Variants in DEAF1 observed in about 807,000 individuals in gnomAD.
DEAF1 encodes the protein deformed epidermal autoregulatory factor 1 homolog.
Under a neutral mutation model 58.9 loss-of-function variants are expected in DEAF1, and 53 were observed. The ratio of observed to expected loss-of-function variants is 0.90; its 90% CI spans 0.72 to 1.13. DEAF1 has a LOEUF of 1.13. DEAF1 is among the 50% of genes most tolerant of loss of function. The pLI is 0.00. For missense variants in DEAF1, 685 were observed against 791.4 expected (o/e 0.87, Z 1.61); for synonymous variants, 385 against 340.4 (o/e 1.13, Z -1.44).
chr11:682,563 CCTCT>C lies in DEAF1; in HGVS notation c.871-1478_871-1475del, dbSNP rs148661968. Among the ~76,000 whole-genome samples, 6 of 152,310 alleles carry C rather than the reference CCTCT, an allele frequency of 3.9e-5. No homozygotes were observed. The East Asian group carries it at 7.7e-4, about 20-fold the overall frequency. On this transcript the variant is annotated intron_variant, in intron 6 of 11. Coordinates refer to ENST00000382409, the MANE Select transcript of DEAF1 (RefSeq NM_021008.4). ...GCTTTGGAGCTCTCTGTTCTTACGG[CCTCT>C]CTCTCTTTTGGGCTGAATGTCTGAG... is the stretch of plus-strand genomic sequence containing the variant.
intron 11 of DEAF1, among the ~76,000 whole-genome samples, chr11:648,402 A>G (rs1426761502): frequency 1.3e-5 from 2 of 151,926 alleles, no homozygotes; most frequent in Non-Finnish European, 2.9e-5. Flanking sequence ...TCACCATGTT[A>G]GCCAGGATGG....
At chr11:660,135 A>C (rs148069366) in intron 10 of DEAF1, among the ~76,000 whole-genome samples, 43 of 152,366 alleles carry the variant, frequency 2.8e-4, no homozygotes, top group African/African-American at 1.0e-3. Flanking sequence ...AATGCAAATT[A>C]GACTGGATTA....
chr11:650,549 C>T (rs543082881), intron 11 of DEAF1, among the ~76,000 whole-genome samples: 1 of 152,286 alleles, frequency 6.6e-6, no homozygotes, highest in East Asian at 1.9e-4. Context: ...AACAGGGTCT[C>T]GCTTTGTTGG....
At chr11:653,921 G>A (rs1320007684) in intron 11 of DEAF1, 41 bp downstream of exon 11, 2 of 1,583,010 alleles carry the variant, frequency 1.3e-6, no homozygotes, top group Non-Finnish European at 1.7e-6. Flanking sequence ...CGTAGCGAGG[G>A]AGGAGGCGGG....
intron 1 of DEAF1, chr11:704,469 T>C (rs1442562238): frequency 1.6e-6 from 2 of 1,289,280 alleles, no homozygotes. Flanking sequence ...AGGACAGCCC[T>C]GAGGACCCAC....
chr11:695,620 C>T, upstream of DEAF1: 1 of 1,244,690 alleles, frequency 8.0e-7, no homozygotes, highest in Non-Finnish European at 1.0e-6. Flanking sequence ...TGCTCCCGAA[C>T]GTCGGTTCTC....
chr11:695,451 C>T, upstream of DEAF1: 3 of 519,214 alleles, frequency 5.8e-6, no homozygotes, highest in Non-Finnish European at 8.9e-6. Flanking sequence ...CCCCGGCCGA[C>T]AGGGCTGGAC....
intron 10 of DEAF1, among the ~76,000 whole-genome samples, 178 bp from the exon 11 acceptor site, chr11:654,229 T>A (rs28410845): frequency 7.7e-5 from 11 of 143,340 alleles, no homozygotes; most frequent in African/African-American, 3.0e-4. Context: ...AGTGCCGTGG[T>A]GCGATCTCAG....
intron 5 of DEAF1, among the ~76,000 whole-genome samples, chr11:686,321 G>A (rs970887335): frequency 1.3e-4 from 19 of 148,556 alleles, no homozygotes; most frequent in Admixed American, 1.1e-3. Flanking sequence ...CACAAAAACA[G>A]TAATTTCCAG....
intron 10 of DEAF1, among the ~76,000 whole-genome samples, chr11:659,478 C>T (rs556443643): frequency 2.0e-5 from 3 of 152,238 alleles, no homozygotes; most frequent in East Asian, 1.9e-4. Flanking sequence ...CCTGGTGGAT[C>T]GTGTATCTTA....
intron 9 of DEAF1, among the ~76,000 whole-genome samples, chr11:677,177 G>C (rs970316749): frequency 2.6e-5 from 4 of 151,062 alleles, no homozygotes; most frequent in African/African-American, 9.7e-5. Context: ...TGTTGCCCAG[G>C]CCGGTCTCAA....
intron 7 of DEAF1, 200 bp from the exon 8 acceptor site, chr11:680,016 G>A: frequency 1.5e-6 from 1 of 663,400 alleles, no homozygotes; most frequent in Non-Finnish European, 2.6e-6. Flanking sequence ...AGGATGGCCA[G>A]GATGGCAACT....
In DEAF1 at chr11:654,163, CCCT is replaced by C. The variant is rs1365694550; in HGVS notation, c.1504-115_1504-113del. 42 of 515,546 alleles carry C rather than the reference CCCT, an allele frequency of 8.1e-5. No homozygotes were observed. In the African/African-American group the frequency reaches 2.3e-3, roughly 29 times the overall value. 31.9% of individuals were successfully genotyped at this position (515,546 alleles called of 1,614,324 possible). A position where few individuals can be genotyped will look rare whatever the true frequency, so the allele number is the denominator to read the frequency against. On this transcript the variant is annotated intron_variant, in intron 10 of 11. Transcript: ENST00000382409. ...GGCCCCAAGTTCCCCCCATTGGACCCCCTTTTTTTTTTTTTTTTTTTTTGAGAT... is the reference window on the plus strand; with the variant it reads ...GGCCCCAAGTTCCCCCCATTGGACCCTTTTTTTTTTTTTTTTTTTTGAGAT...
chr11:674,492 G>A lies in DEAF1; in HGVS notation c.1503+44C>T, dbSNP rs374848427. 1.9e-5 allele frequency: 30 copies of A among 1,612,936 alleles called. No individual in the cohort carries two copies. The African/African-American group carries it at 2.7e-4, about 14-fold the overall frequency. ...GGCACAGGCACCAGGGTGGCCTGGG[G>A]TTACTCGGCACAGGTCGTGTCTTCC... On this transcript the variant is annotated intron_variant, in intron 10 of 11. Transcript: ENST00000382409.
At chr11:696,235 C>T (rs1167153776), upstream of DEAF1, among the ~76,000 whole-genome samples, 1 of 152,092 alleles carries the variant, frequency 6.6e-6, no homozygotes, top group African/African-American at 2.4e-5. Flanking sequence ...AGCCGTCCTG[C>T]CTGAGAGACT....
At chr11:684,142 G>A (rs1860486756) in intron 6 of DEAF1, among the ~76,000 whole-genome samples, 1 of 147,818 alleles carries the variant, frequency 6.8e-6, no homozygotes, top group African/African-American at 2.5e-5. Context: ...TTTTTTTGAG[G>A]TGCAGTGGCT....
chr11:676,598 G>T (rs909988425), intron 9 of DEAF1, among the ~76,000 whole-genome samples: 1 of 151,884 alleles, frequency 6.6e-6, no homozygotes, highest in Non-Finnish European at 1.5e-5. Context: ...CTGCCCTCCC[G>T]GGTTCAAGTG....
chr11:661,126 G>A (rs1490034229), intron 10 of DEAF1, among the ~76,000 whole-genome samples: 1 of 152,216 alleles, frequency 6.6e-6, no homozygotes, highest in Non-Finnish European at 1.5e-5. Context: ...GAAAGCCTGA[G>A]AGCGAGCTAC....
In DEAF1 at chr11:650,034, C is replaced by G. The variant is rs1041622244; in HGVS notation, c.1593+3928G>C. 3.5e-5 allele frequency among the ~76,000 whole-genome samples: 2 copies of G among 56,800 alleles called. 1 individual carries two copies. The highest frequency in any genetic ancestry group is 9.5e-5 in the Non-Finnish European group (2 of 20,974). The allele number at this position is 56,800 out of a possible 152,430, so 37.3% of individuals were successfully genotyped here. The stretch of plus-strand genomic sequence containing the variant: ...AGTGAGATTGTCTAAAAAACAAAAA[C>G]AAAAACAAAAACAAAAACAAAACAA... On this transcript the variant is annotated intron_variant, in intron 11 of 11. Coordinates refer to ENST00000382409, the MANE Select transcript of DEAF1 (RefSeq NM_021008.4).
Sources: gnomAD v4.1 joint callset for allele counts (sites outside exome capture counted in the v4.1 genomes callset) on GRCh38, gnomAD v4.1.1 for gene constraint, MANE v1.5 for transcripts, NCBI Gene and HGNC (gene_info 2026-07-23, HGNC 2026-07-21) for gene names.